CCNY: variants seen among roughly 807,000 people sequenced by gnomAD.
CCNY encodes cyclin Y.
A neutral mutation model predicts 42.8 loss-of-function variants in CCNY; 19 were observed. That is an observed-to-expected ratio of 0.44 (90% CI 0.31 to 0.65). The LOEUF (loss-of-function observed/expected upper bound fraction) is 0.65. CCNY is among the 30% of genes least tolerant of loss of function. The probability of loss-of-function intolerance (pLI) is 0.07; values close to 1 mark genes in which losing one functional copy is unlikely to be tolerated. For synonymous variants in CCNY, 165 were observed against 162.7 expected (o/e 1.01, Z -0.11); for missense variants, 370 against 437.3 (o/e 0.85, Z 1.37).
intron 1 of CCNY, among the ~76,000 whole-genome samples, chr10:35,457,056 T>TTGA (rs1407659228): frequency 6.6e-6 from 1 of 152,250 alleles, no homozygotes; most frequent in East Asian, 1.9e-4. Context: ...GTATTCACAT[T>TTGA]TTGGTTTAGC....
intron 1 of CCNY, among the ~76,000 whole-genome samples, chr10:35,338,949 G>T (rs1484999256): frequency 6.6e-6 from 1 of 152,220 alleles, no homozygotes. Context: ...ACAGTGAAAT[G>T]ATATTGTGTG....
chr10:35,255,634 G>A (rs966600260), intron 3 of CCNY, among the ~76,000 whole-genome samples: 27 of 151,806 alleles, frequency 1.8e-4, no homozygotes, highest in African/African-American at 5.3e-4. Flanking sequence ...TCTCTCTGCC[G>A]CCCAGGCTGG....
intron 1 of CCNY, among the ~76,000 whole-genome samples, chr10:35,406,075 A>G (rs1837752953): frequency 6.6e-6 from 1 of 151,986 alleles, no homozygotes; most frequent in Non-Finnish European, 1.5e-5. Context: ...TCAGAAATAC[A>G]TTGCTACTTG....
intron 1 of CCNY, among the ~76,000 whole-genome samples, chr10:35,374,241 A>G (rs1202088890): frequency 1.3e-5 from 2 of 152,234 alleles, no homozygotes; most frequent in Non-Finnish European, 1.5e-5. Context: ...TAGTTTAGCC[A>G]GAGATGGAAT....
chr10:35,309,478 A>G (rs914174812), intron 3 of CCNY, among the ~76,000 whole-genome samples: 3 of 152,184 alleles, frequency 2.0e-5, no homozygotes, highest in Admixed American at 6.5e-5. Context: ...GCTGAAGTGC[A>G]GTGGCACCAT....
chr10:35,344,542 A>G (rs1836256263), intron 1 of CCNY, among the ~76,000 whole-genome samples: 1 of 152,130 alleles, frequency 6.6e-6, no homozygotes, highest in Non-Finnish European at 1.5e-5. Flanking sequence ...ATACAAAAAA[A>G]ATTTTTTTTT....
At chr10:35,559,642 C>T (rs1405424469) in intron 8 of CCNY, among the ~76,000 whole-genome samples, 1 of 152,228 alleles carries the variant, frequency 6.6e-6, no homozygotes, top group African/African-American at 2.4e-5. Flanking sequence ...CCGGCTTGCA[C>T]CAAAGGGCCC....
chr10:35,314,976 G>A (rs1345149747), intron 3 of CCNY: 1 of 152,216 alleles, frequency 6.6e-6, no homozygotes, highest in Non-Finnish European at 1.5e-5. Flanking sequence ...AGCTACTAGG[G>A]AGGCTGAGGC....
At chr10:35,270,506 A>G (rs1372227205) in intron 3 of CCNY, among the ~76,000 whole-genome samples, 1 of 152,088 alleles carries the variant, frequency 6.6e-6, no homozygotes, top group African/African-American at 2.4e-5. Flanking sequence ...ACATTTTCAG[A>G]TTTTGTTCTC....
chr10:35,434,380 G>A (rs954120015), intron 1 of CCNY, among the ~76,000 whole-genome samples: 4 of 152,316 alleles, frequency 2.6e-5, no homozygotes, highest in Admixed American at 6.5e-5. Context: ...CCAGCTGAGC[G>A]CACTGTGGAG....
At chr10:35,313,374 G>T (rs1043515144) in intron 3 of CCNY, among the ~76,000 whole-genome samples, 1 of 152,210 alleles carries the variant, frequency 6.6e-6, no homozygotes, top group Admixed American at 6.5e-5. Context: ...AGGATGTACA[G>T]GTAGAGCTGT....
intron 1 of CCNY, among the ~76,000 whole-genome samples, chr10:35,388,358 C>T (rs1234487912): frequency 6.6e-6 from 1 of 152,204 alleles, no homozygotes; most frequent in East Asian, 1.9e-4. Flanking sequence ...TACTAGGTGG[C>T]ACTGCAGTTT....
chr10:35,389,477 G>A (rs1032220177), intron 1 of CCNY, among the ~76,000 whole-genome samples: 2 of 135,022 alleles, frequency 1.5e-5, no homozygotes, highest in Non-Finnish European at 3.1e-5. Context: ...GTCTAGCTCT[G>A]TTGCCAGGCT....
At chr10:35,478,877 A>G (rs1839586465) in intron 1 of CCNY, among the ~76,000 whole-genome samples, 2 of 152,220 alleles carry the variant, frequency 1.3e-5, no homozygotes, top group Admixed American at 1.3e-4. Flanking sequence ...CAAAGGGCTA[A>G]TATCCAGAAT....
At chr10:35,387,805 C>T (rs531241864) in intron 1 of CCNY, among the ~76,000 whole-genome samples, 4 of 152,276 alleles carry the variant, frequency 2.6e-5, no homozygotes, top group Middle Eastern at 3.4e-3. Context: ...CCAAGATCCA[C>T]GTAAGAATAT....
chr10:35,478,432 A>G (rs1331435708), intron 1 of CCNY, among the ~76,000 whole-genome samples: 2 of 151,388 alleles, frequency 1.3e-5, no homozygotes, highest in African/African-American at 4.8e-5. Flanking sequence ...TACTGGTACC[A>G]AAACAGAGAT....
intron 1 of CCNY, chr10:35,434,086 A>G (rs535570790): frequency 6.6e-6 from 1 of 152,332 alleles, no homozygotes; most frequent in Admixed American, 6.5e-5. Context: ...GCTGGAAAAT[A>G]ATCTTCTATT....
chr10:35,367,635 A>T (rs550446570), intron 1 of CCNY, among the ~76,000 whole-genome samples: 1 of 152,224 alleles, frequency 6.6e-6, no homozygotes, highest in African/African-American at 2.4e-5. Context: ...GGCTTCCGCC[A>T]TAGAAGTCAC....
At chr10:35,253,418 T>A (rs1227426786) in intron 3 of CCNY, among the ~76,000 whole-genome samples, 6 of 104,734 alleles carry the variant, frequency 5.7e-5, no homozygotes, top group African/African-American at 1.3e-4. Flanking sequence ...CTCACTATTT[T>A]TTTTTTTTTT....
Sources: allele counts gnomAD v4.1 joint callset (sites outside exome capture counted in the v4.1 genomes callset), GRCh38; gene constraint gnomAD v4.1.1; transcripts MANE v1.5; gene names NCBI Gene and HGNC (gene_info 2026-07-23, HGNC 2026-07-21).